Variants in GAB1 observed in about 807,000 individuals in gnomAD.
GAB1 encodes the protein GRB2 associated binding protein 1.
In GAB1, 19 loss-of-function variants were observed where a neutral mutation model predicts 66.5. That is an observed-to-expected ratio of 0.29 (90% CI 0.20 to 0.42). The LOEUF is 0.42. Ranked by LOEUF, GAB1 falls within the 10% of genes least tolerant of loss-of-function variation. The probability of loss-of-function intolerance (pLI) is 1.00; values close to 1 mark genes in which losing one functional copy is unlikely to be tolerated. For synonymous variants in GAB1, 294 were observed against 301.4 expected, an observed-to-expected ratio of 0.98 and a Z score of 0.25; for missense variants, 732 against 858.5, an observed-to-expected ratio of 0.85 and a Z score of 1.84.
intron 6 of GAB1, among the ~76,000 whole-genome samples, chr4:143,457,188 C>T (rs1735234837): frequency 6.6e-6 from 1 of 152,202 alleles, no homozygotes; most frequent in Admixed American, 6.5e-5. Flanking sequence ...GTTTTAAAAA[C>T]ATCTCTACCA....
intron 6 of GAB1, among the ~76,000 whole-genome samples, chr4:143,455,486 T>A (rs1735136952): frequency 1.3e-5 from 2 of 152,056 alleles, no homozygotes; most frequent in Middle Eastern, 3.2e-3. Context: ...CACTGGGAGA[T>A]AACTATGGTG....
intron 1 of GAB1, among the ~76,000 whole-genome samples, chr4:143,357,847 T>C (rs796563491): frequency 9.2e-5 from 14 of 151,506 alleles, no homozygotes; most frequent in African/African-American, 3.4e-4. Context: ...AGATGGTTCT[T>C]AAGACTTAGT....
rs376105174 is a variant in GAB1, at chr4:143,433,687, C to T, written c.564C>T (p.Asn188=). The change falls in exon 3 of 10, where the codon AAC becomes AAT. Residue 188 remains asparagine, a synonymous_variant. Transcript: ENST00000262994. ...CTCAAGACTACCTGTTGCTCATCAACTGTCAAAGCAAGAAGCCCGAACCCA... is the reference window on the plus strand; with the variant it reads ...CTCAAGACTACCTGTTGCTCATCAATTGTCAAAGCAAGAAGCCCGAACCCA... ...EDPQDYLLLI[N]CQSKKPEPTR... The T allele has an allele frequency of 1.2e-6, 2 of 1,613,974 alleles. No individual in the cohort carries two copies. Among genetic ancestry groups the T allele is most frequent in the Non-Finnish European group, 1.7e-6 (2 of 1,179,874 alleles).
At chr4:143,441,420 C>T (rs1403575752) in intron 6 of GAB1, among the ~76,000 whole-genome samples, 1 of 152,180 alleles carries the variant, frequency 6.6e-6, no homozygotes, top group Non-Finnish European at 1.5e-5. Flanking sequence ...ATCAATTTCT[C>T]CTTAACCTGG....
At chr4:143,468,937 A>G in intron 9 of GAB1, 94 bp from the exon 10 acceptor site, 1 of 1,308,234 alleles carries the variant, frequency 7.6e-7, no homozygotes, top group Non-Finnish European at 1.1e-6. Flanking sequence ...AAAAAAAAGT[A>G]TTCACAGTGG....
At chr4:143,449,492 T>C (rs1734778248) in intron 6 of GAB1, among the ~76,000 whole-genome samples, 2 of 152,236 alleles carry the variant, frequency 1.3e-5, no homozygotes, top group Admixed American at 1.3e-4. Context: ...GGTGCATATA[T>C]ATTTAGGATA....
chr4:143,374,331 C>T (rs1242761047), intron 1 of GAB1, among the ~76,000 whole-genome samples: 1 of 152,054 alleles, frequency 6.6e-6, no homozygotes, highest in Non-Finnish European at 1.5e-5. Context: ...CAGAAATGTG[C>T]CTGTGCCGAT....
At chr4:143,364,856 T>C (rs1560720442) in intron 1 of GAB1, among the ~76,000 whole-genome samples, 8 of 139,934 alleles carry the variant, frequency 5.7e-5, no homozygotes, top group Admixed American at 4.4e-4. Flanking sequence ...ATTAAAGCTC[T>C]CCCTGCATCT....
chr4:143,464,331 C>A (rs546663094), intron 8 of GAB1, among the ~76,000 whole-genome samples: 1 of 152,076 alleles, frequency 6.6e-6, no homozygotes, highest in Non-Finnish European at 1.5e-5. Context: ...CGGGTTCAAG[C>A]GATTATCCTG....
intron 6 of GAB1, among the ~76,000 whole-genome samples, chr4:143,444,874 C>T (rs1390016046): frequency 1.3e-5 from 2 of 152,076 alleles, no homozygotes; most frequent in South Asian, 2.1e-4. Flanking sequence ...TCTGTTCCTG[C>T]GTTTATTTCC....
At chr4:143,437,617 G>C (rs1206894491) in intron 3 of GAB1, among the ~76,000 whole-genome samples, 1 of 152,140 alleles carries the variant, frequency 6.6e-6, no homozygotes, top group Non-Finnish European at 1.5e-5. Flanking sequence ...CTAGCACTAG[G>C]TTTTTGCATG....
chr4:143,412,671 C>T (rs747720859), intron 1 of GAB1, among the ~76,000 whole-genome samples: 3 of 152,024 alleles, frequency 2.0e-5, no homozygotes, highest in Non-Finnish European at 4.4e-5. Flanking sequence ...GAGTTGGTTG[C>T]ATTGAGGGTG....
At chr4:143,431,426 A>C in intron 2 of GAB1, among the ~76,000 whole-genome samples, 1 of 152,218 alleles carries the variant, frequency 6.6e-6, no homozygotes, top group African/African-American at 2.4e-5. Flanking sequence ...AGAGAAAAAC[A>C]TAAAGGCCTT....
chr4:143,387,311 A>T (rs1730964153), intron 1 of GAB1, among the ~76,000 whole-genome samples: 1 of 152,100 alleles, frequency 6.6e-6, no homozygotes, highest in African/African-American at 2.4e-5. Context: ...TTGTATTTTT[A>T]ATAGAGACAG....
chr4:143,337,044 G>A lies in GAB1; in HGVS notation c.-145G>A. 1.5e-6 allele frequency: 1 copy of A among 662,362 alleles called. No individual in the cohort carries two copies. The highest frequency in any genetic ancestry group is 1.9e-5 in the South Asian group (1 of 51,512). 41.0% of individuals were successfully genotyped at this position (662,362 alleles called of 1,614,324 possible). A position where few individuals can be genotyped will look rare whatever the true frequency, so the allele number is the denominator to read the frequency against. ...CTCGAACTCGTGGAACCCGCGCACC[G>A]TGGAGTCTGTCCGCCCAGTCCGTCC... On this transcript the variant is annotated 5_prime_UTR_variant, in exon 1 of 10. In the 5' UTR this introduces an upstream ATG that the reference lacks. Coordinates refer to ENST00000262994, the MANE Select transcript of GAB1 (RefSeq NM_002039.4).
chr4:143,407,931 T>C (rs1732145767), intron 1 of GAB1, among the ~76,000 whole-genome samples: 1 of 152,208 alleles, frequency 6.6e-6, no homozygotes, highest in Admixed American at 6.5e-5. Context: ...TTTTAAATAT[T>C]TCAATGTATT....
intron 2 of GAB1, among the ~76,000 whole-genome samples, chr4:143,431,308 C>G (rs1733638967): frequency 6.6e-6 from 1 of 152,128 alleles, no homozygotes; most frequent in South Asian, 2.1e-4. Flanking sequence ...ATGAGGAAAA[C>G]AGAGGTCTCT....
intron 9 of GAB1, 22 bp from the exon 10 acceptor site, chr4:143,469,009 T>C (rs754255904): frequency 5.6e-6 from 9 of 1,612,188 alleles, no homozygotes; most frequent in Non-Finnish European, 6.8e-6. Flanking sequence ...GTTGGACTTT[T>C]TGTTTTTTCT....
intron 6 of GAB1, among the ~76,000 whole-genome samples, chr4:143,453,727 A>G (rs1228422059): frequency 6.6e-6 from 1 of 152,160 alleles, no homozygotes; most frequent in Non-Finnish European, 1.5e-5. Context: ...TGAAATAAGG[A>G]TATGGGACTA....
Sources: allele counts gnomAD v4.1 joint callset (sites outside exome capture counted in the v4.1 genomes callset), GRCh38; gene constraint gnomAD v4.1.1; transcripts MANE v1.5; gene names NCBI Gene and HGNC (gene_info 2026-07-23, HGNC 2026-07-21).